MTFR1: variants seen among roughly 807,000 people sequenced by gnomAD.
The protein encoded by MTFR1 is chondrocyte protein with a poly-proline region.
MTFR1 carries 28 observed loss-of-function variants against 38.8 expected under a neutral mutation model. The ratio of observed to expected loss-of-function variants is 0.72; its 90% CI spans 0.53 to 0.99. MTFR1 has a LOEUF of 0.99. Ranked by LOEUF, MTFR1 falls within the 50% of genes least tolerant of loss-of-function variation. The pLI is 0.00. For missense variants in MTFR1, 358 were observed against 395.5 expected (o/e 0.91, Z 0.81); for synonymous variants, 145 against 137.0 (o/e 1.06, Z -0.41).
At chr8:65,705,077 G>C (rs1363490605) in intron 5 of MTFR1, 148 bp downstream of exon 5, 1 of 696,108 alleles carries the variant, frequency 1.4e-6, no homozygotes, top group Admixed American at 2.7e-5. Flanking sequence ...TGTAATCCCA[G>C]CACTTTGGGA....
chr8:65,703,419 G>GTTTTTTTTTTTTTTTTT (rs553260839), intron 4 of MTFR1, among the ~76,000 whole-genome samples: 1 of 50,940 alleles, frequency 2.0e-5, no homozygotes, highest in Non-Finnish European at 3.4e-5. Flanking sequence ...GATGTCTCTG[G>GTTTTTTTTTTTTTTTTT]TTTTTTTTTT....
chr8:65,724,881 T>A lies in MTFR1; in HGVS notation c.*48+5400T>A, dbSNP rs1486125163. 15 of 1,610,948 alleles carry A rather than the reference T, an allele frequency of 9.3e-6. No individual in the cohort carries two copies. The highest frequency in any genetic ancestry group is 1.3e-5 in the Non-Finnish European group (15 of 1,177,582). ...TACTCATTCTGGCGACTGATGTCTG[T>A]GGCTAGTATCAGAGCACCTATCTGT... On this transcript the variant is annotated intron_variant, in intron 3 of 3. Coordinates refer to the MTFR1 transcript ENST00000521247.
intron 3 of MTFR1, among the ~76,000 whole-genome samples, chr8:65,769,347 T>A (rs1465838009): frequency 6.6e-6 from 1 of 151,980 alleles, no homozygotes; most frequent in Non-Finnish European, 1.5e-5. Context: ...AGAAATGACT[T>A]AACTTAAAAA....
chr8:65,688,414 A>AAAAAACCCCAGAAATTCTGC (rs1805163097), intron 3 of MTFR1, among the ~76,000 whole-genome samples: 1 of 151,274 alleles, frequency 6.6e-6, no homozygotes, highest in South Asian at 2.1e-4. Flanking sequence ...AAGCAAACAA[A>AAAAAACCCCAGAAATTCTGC]AAAAACCCCA....
chr8:65,693,578 A>G, intron 3 of MTFR1, 66 bp from the exon 4 acceptor site: 2 of 1,361,560 alleles, frequency 1.5e-6, no homozygotes, highest in Admixed American at 1.8e-5. Context: ...CCTTTAGGTG[A>G]GTAAAAAAAA....
intron 3 of MTFR1, among the ~76,000 whole-genome samples, chr8:65,752,841 ATTTG>A (rs1018298503): frequency 6.6e-6 from 1 of 152,040 alleles, no homozygotes; most frequent in African/African-American, 2.4e-5. Flanking sequence ...CTTTTTAACT[ATTTG>A]TTTGCTTTTC....
At chr8:65,748,807 T>G (rs898838985) in intron 3 of MTFR1, among the ~76,000 whole-genome samples, 1 of 152,134 alleles carries the variant, frequency 6.6e-6, no homozygotes, top group Non-Finnish European at 1.5e-5. Context: ...TTAAATGAGA[T>G]AATATATATA....
At chr8:65,681,407 G>A (rs1038719700) in intron 2 of MTFR1, among the ~76,000 whole-genome samples, 70 of 152,148 alleles carry the variant, frequency 4.6e-4, no homozygotes, top group Non-Finnish European at 5.4e-4. Context: ...GGCAGGAGCC[G>A]CCGCACCTGG....
intron 2 of MTFR1, chr8:65,719,278 T>A (rs372490482): frequency 5.7e-5 from 92 of 1,600,678 alleles, no homozygotes; most frequent in Non-Finnish European, 7.4e-5. Context: ...TTTGTCCCAC[T>A]GGTTCTGGGG....
At chr8:65,702,427 G>A (rs1805644931) in intron 4 of MTFR1, among the ~76,000 whole-genome samples, 1 of 150,762 alleles carries the variant, frequency 6.6e-6, no homozygotes, top group African/African-American at 2.4e-5. Flanking sequence ...AGCCTCCCAA[G>A]TAGCTGGTAT....
chr8:65,724,431 G>T, intron 3 of MTFR1: 1 of 828,670 alleles, frequency 1.2e-6, no homozygotes, highest in Admixed American at 2.2e-5. Context: ...GCAAGGACTG[G>T]ATTAACCATA....
chr8:65,771,902 A>AG (rs1400787137), downstream of MTFR1, among the ~76,000 whole-genome samples: 80 of 151,246 alleles, frequency 5.3e-4, no homozygotes, highest in African/African-American at 1.6e-3. Flanking sequence ...AAAAAAAAAA[A>AG]AAAAAGAAGA....
chr8:65,746,171 T>G (rs1807668337), intron 3 of MTFR1, among the ~76,000 whole-genome samples: 1 of 151,472 alleles, frequency 6.6e-6, no homozygotes, highest in Non-Finnish European at 1.5e-5. Context: ...TGGACTCAAG[T>G]GATTCTCCCA....
intron 1 of MTFR1, among the ~76,000 whole-genome samples, chr8:65,660,816 A>G (rs1438768201): frequency 6.6e-6 from 1 of 152,238 alleles, no homozygotes; most frequent in Non-Finnish European, 1.5e-5. Flanking sequence ...TGTGGAAGCA[A>G]TCAAGGTGTT....
At chr8:65,733,938 A>C (rs748356739) in intron 3 of MTFR1, among the ~76,000 whole-genome samples, 1 of 152,190 alleles carries the variant, frequency 6.6e-6, no homozygotes, top group Non-Finnish European at 1.5e-5. Flanking sequence ...AGGCAGACAT[A>C]ATTGCAGAAC....
the MTFR1 span, among the ~76,000 whole-genome samples, chr8:65,776,907 A>T: frequency 1.3e-5 from 2 of 152,228 alleles, no homozygotes; most frequent in South Asian, 4.1e-4. Flanking sequence ...AGGAAAGATG[A>T]TGAAAGATAT....
In MTFR1 at chr8:65,682,303, C is replaced by G. The variant is rs374318793; in HGVS notation, c.67-50C>G. On this transcript the variant is annotated intron_variant, in intron 2 of 7. Coordinates refer to ENST00000262146, the MANE Select transcript of MTFR1 (RefSeq NM_014637.4). ...ATAATTGTCTAATGCTTTGTCTTAA[C>G]AGTTCTGTACATCTTGTAATTAAGC... is the stretch of plus-strand genomic sequence containing the variant. 3.4e-5 allele frequency: 31 copies of G among 899,764 alleles called. No individual in the cohort carries two copies. In the African/African-American group the frequency reaches 5.3e-4, roughly 15 times the overall value. The allele number at this position is 899,764 out of a possible 1,614,324, so 55.7% of individuals were successfully genotyped here.
At chr8:65,729,617 G>A (rs756067644) in intron 3 of MTFR1, among the ~76,000 whole-genome samples, 1 of 152,052 alleles carries the variant, frequency 6.6e-6, no homozygotes, top group Non-Finnish European at 1.5e-5. Flanking sequence ...AGCCTGGAGT[G>A]CAGTGGTGCG....
At chr8:65,766,748 C>T (rs1268522810) in intron 3 of MTFR1, among the ~76,000 whole-genome samples, 10 of 152,176 alleles carry the variant, frequency 6.6e-5, no homozygotes, top group Admixed American at 6.5e-4. Context: ...TAAATTTTCC[C>T]AGCATCAGTC....
Sources: gnomAD v4.1 joint callset for allele counts (sites outside exome capture counted in the v4.1 genomes callset) on GRCh38, gnomAD v4.1.1 for gene constraint, MANE v1.5 for transcripts, NCBI Gene and HGNC (gene_info 2026-07-23, HGNC 2026-07-21) for gene names.